The following SLC1A2 variants were observed in gnomAD, a reference collection of about 807,000 sequenced individuals.
SLC1A2 encodes the protein solute carrier family 1 member 2.
A neutral mutation model predicts 48.8 loss-of-function variants in SLC1A2; 15 were observed. The ratio of observed to expected loss-of-function variants is 0.31; its 90% confidence interval spans 0.21 to 0.47. The LOEUF is 0.47. Among genes scored for constraint, SLC1A2 ranks in the 20% least tolerant of loss-of-function variants. The pLI is 0.99. For synonymous variants in SLC1A2, 279 were observed against 272.6 expected, an observed-to-expected ratio of 1.02 and a Z score of -0.23; for missense variants, 502 against 730.5, an observed-to-expected ratio of 0.69 and a Z score of 3.61.
At chr11:35,374,693 C>G (rs1405069522) in intron 1 of SLC1A2, among the ~76,000 whole-genome samples, 1 of 152,202 alleles carries the variant, frequency 6.6e-6, no homozygotes. Context: ...ATCTACTCAC[C>G]TTCTAGATTT....
intron 1 of SLC1A2, among the ~76,000 whole-genome samples, chr11:35,326,703 A>C (rs1420764813): frequency 1.3e-5 from 2 of 152,212 alleles, no homozygotes; most frequent in African/African-American, 4.8e-5. Flanking sequence ...CATGGCAGGC[A>C]TTCAAAACGC....
At chr11:35,305,959 G>T in intron 5 of SLC1A2, 115 bp downstream of exon 5, 2 of 891,178 alleles carry the variant, frequency 2.2e-6, no homozygotes, top group African/African-American at 1.7e-5. Context: ...GCTCCCCAGA[G>T]AGAGCCTCCT....
intron 1 of SLC1A2, among the ~76,000 whole-genome samples, chr11:35,394,773 G>A (rs1362753751): frequency 6.6e-6 from 1 of 152,212 alleles, no homozygotes; most frequent in Admixed American, 6.5e-5. Context: ...TCCCATTTCT[G>A]TTGTACTGTT....
chr11:35,393,619 T>C (rs1265106182), intron 1 of SLC1A2, among the ~76,000 whole-genome samples: 4 of 152,176 alleles, frequency 2.6e-5, no homozygotes, highest in South Asian at 2.1e-4. Flanking sequence ...AAACCTTTAA[T>C]TGAATTAGGA....
At chr11:35,391,544 G>A (rs1226515481) in intron 1 of SLC1A2, 1 of 152,172 alleles carries the variant, frequency 6.6e-6, no homozygotes, top group Non-Finnish European at 1.5e-5. Flanking sequence ...TCTTACCTAG[G>A]TACAGCGCTG....
intron 1 of SLC1A2, among the ~76,000 whole-genome samples, chr11:35,401,481 A>G (rs1399911670): frequency 6.6e-6 from 1 of 152,180 alleles, no homozygotes; most frequent in Non-Finnish European, 1.5e-5. Context: ...CTGTACCTGA[A>G]TTCCAAAGGA....
intron 9 of SLC1A2, among the ~76,000 whole-genome samples, chr11:35,273,073 G>T (rs1850330055): frequency 6.6e-6 from 1 of 152,190 alleles, no homozygotes; most frequent in Admixed American, 6.5e-5. Context: ...GCATTGGATT[G>T]AACCATATGA....
In SLC1A2 at chr11:35,418,933, G is replaced by C; in HGVS notation, c.17+17C>G. ...GTGACCCCGCTTTCCCGCGGGTACA[G>C]ATAAAAATCCCCTCACCCTTCCGTA... On this transcript the variant is annotated intron_variant, in intron 1 of 10. Coordinates refer to ENST00000278379, the MANE Select transcript of SLC1A2 (RefSeq NM_004171.4). The C allele has an allele frequency of 6.4e-7, 1 of 1,559,866 alleles. No individual in the cohort carries two copies. Among genetic ancestry groups the C allele is most frequent in the Non-Finnish European group, 8.7e-7 (1 of 1,150,492 alleles).
At chr11:35,343,527 C>T (rs187830319) in intron 1 of SLC1A2, among the ~76,000 whole-genome samples, 13 of 152,290 alleles carry the variant, frequency 8.5e-5, no homozygotes, top group African/African-American at 1.9e-4. Context: ...CACACACACT[C>T]CCCTTTCTTG....
In SLC1A2 at chr11:35,399,689, G is replaced by T. The variant is rs1303183219; in HGVS notation, c.17+19261C>A. On this transcript the variant is annotated intron_variant, in intron 1 of 10. Coordinates refer to ENST00000278379, the MANE Select transcript of SLC1A2 (RefSeq NM_004171.4). Reference sequence around the variant, plus strand: ...ATATTCAGCTCTTTCCATCTGCAGGGCCAAAAAGAAGAAACCAGCCCTGAA... The same window carrying T: ...ATATTCAGCTCTTTCCATCTGCAGGTCCAAAAAGAAGAAACCAGCCCTGAA... 5 of 777,060 alleles carry T rather than the reference G, an allele frequency of 6.4e-6. No individual in the cohort carries two copies. The African/African-American group carries it at 7.5e-5, about 12-fold the overall frequency. The allele number at this position is 777,060 out of a possible 1,614,324, so 48.1% of individuals were successfully genotyped here. A position where few individuals can be genotyped will look rare whatever the true frequency, so the allele number is the denominator to read the frequency against.
intron 1 of SLC1A2, among the ~76,000 whole-genome samples, chr11:35,330,032 G>C (rs1383695573): frequency 6.6e-6 from 1 of 152,208 alleles, no homozygotes; most frequent in Non-Finnish European, 1.5e-5. Context: ...GGCAGTTGGT[G>C]AGTAGATGAG....
chr11:35,261,939 C>T (rs1950400561), intron 10 of SLC1A2: 1 of 387,166 alleles, frequency 2.6e-6, no homozygotes, highest in Non-Finnish European at 4.6e-6. Flanking sequence ...TCCCCATTAG[C>T]CCCCCAATTT....
intron 1 of SLC1A2, among the ~76,000 whole-genome samples, chr11:35,377,593 T>G (rs138594434): frequency 1.3e-5 from 2 of 152,286 alleles, no homozygotes; most frequent in East Asian, 3.9e-4. Context: ...ACATCCCTGA[T>G]GGCCGAGGTC....
At chr11:35,289,096 T>G (rs1442432780) in intron 7 of SLC1A2, among the ~76,000 whole-genome samples, 1 of 152,206 alleles carries the variant, frequency 6.6e-6, no homozygotes, top group East Asian at 1.9e-4. Context: ...CTTCTTTTGT[T>G]TTTTAAGTAT....
chr11:35,384,662 G>C (rs1854530973), intron 1 of SLC1A2, among the ~76,000 whole-genome samples: 1 of 152,240 alleles, frequency 6.6e-6, no homozygotes, highest in Non-Finnish European at 1.5e-5. Flanking sequence ...ATATTCACCA[G>C]TATCCCAATT....
At chr11:35,265,475 C>A (rs756053013) in intron 10 of SLC1A2, 52 bp downstream of exon 10, 14 of 835,606 alleles carry the variant, frequency 1.7e-5, no homozygotes, top group South Asian at 1.6e-5. Flanking sequence ...TTAAAGAAAT[C>A]AAGCATGCAC....
At chr11:35,262,474 A>C (rs1950408353) in intron 10 of SLC1A2, among the ~76,000 whole-genome samples, 1 of 152,170 alleles carries the variant, frequency 6.6e-6, no homozygotes, top group South Asian at 2.1e-4. Context: ...TGCTCCAACC[A>C]CTTGGGTAAT....
intron 9 of SLC1A2, among the ~76,000 whole-genome samples, chr11:35,276,738 G>A (rs1490187201): frequency 6.6e-6 from 1 of 152,130 alleles, no homozygotes; most frequent in African/African-American, 2.4e-5. Context: ...GAATTCTAAG[G>A]GTGGCCAAGA....
chr11:35,270,995 A>G (rs1336828166), intron 9 of SLC1A2, among the ~76,000 whole-genome samples: 2 of 152,228 alleles, frequency 1.3e-5, no homozygotes, highest in South Asian at 2.1e-4. Flanking sequence ...CATAAGCCTG[A>G]AAGAGTGAAA....
Sources: allele counts gnomAD v4.1 joint callset (sites outside exome capture counted in the v4.1 genomes callset), GRCh38; gene constraint gnomAD v4.1.1; transcripts MANE v1.5; gene names NCBI Gene and HGNC (gene_info 2026-07-23, HGNC 2026-07-21).